TNPO3: variants seen among roughly 807,000 people sequenced by gnomAD.
TNPO3 encodes transportin 3, also known as transportin-3.
In TNPO3, 65 loss-of-function variants were observed where a neutral mutation model predicts 122.8. The observed-to-expected ratio is 0.53, with a 90% confidence interval of 0.43 to 0.65. TNPO3 has a LOEUF of 0.65. Ranked by LOEUF, TNPO3 falls within the 30% of genes least tolerant of loss-of-function variation. The pLI is 0.00. For missense variants in TNPO3, 850 were observed against 1,136.7 expected (o/e 0.75, Z 3.63); for synonymous variants, 372 against 411.2 (o/e 0.90, Z 1.15).
Position 129,015,231 on chromosome 7 carries a change from C to T in TNPO3, c.396-96G>A, listed in dbSNP as rs762679994. 8.0e-6 allele frequency: 10 copies of T among 1,247,534 alleles called. No individual in the cohort carries two copies. The Admixed American group carries it at 1.2e-4, about 15-fold the overall frequency. The allele number at this position is 1,247,534 out of a possible 1,614,324, so 77.3% of individuals were successfully genotyped here. On this transcript the variant is annotated intron_variant, in intron 3 of 22. Coordinates refer to ENST00000265388, the MANE Select transcript of TNPO3 (RefSeq NM_012470.4). ...TCAGAGTAACTCACAACAACAAAAG[C>T]AACATTCCCACCACTGTTAAGGGGG...
intron 1 of TNPO3, chr7:129,041,481 G>T: frequency 2.2e-6 from 2 of 912,974 alleles, no homozygotes; most frequent in Non-Finnish European, 2.6e-6. Context: ...CTGCTAAACA[G>T]CAGAAAAAAG....
In TNPO3 at chr7:129,012,937, A is replaced by G. The variant is rs188422417; in HGVS notation, c.552+2042T>C. On this transcript the variant is annotated intron_variant, in intron 4 of 22. Coordinates refer to ENST00000265388, the MANE Select transcript of TNPO3 (RefSeq NM_012470.4). ...AAGAGGCAGCCAACCCATAAACTAT[A>G]GATTTACACACTCCTGCTCTAGAGT... Among the ~76,000 whole-genome samples, 285 of 152,346 alleles carry G rather than the reference A, an allele frequency of 1.9e-3. 1 individual carries two copies. The highest frequency in any genetic ancestry group is 0.012 in the South Asian group (60 of 4,832).
rs1798600404 is a variant in TNPO3, at chr7:128,972,585, G to A, written c.2274-3C>T. 1.2e-6 allele frequency: 2 copies of A among 1,611,718 alleles called. No homozygotes were observed. Among genetic ancestry groups the A allele is most frequent in the South Asian group, 2.2e-5 (2 of 90,620 alleles). On this transcript the variant is annotated splice_polypyrimidine_tract_variant and splice_region_variant and intron_variant, in intron 18 of 22. Coordinates refer to ENST00000265388, the MANE Select transcript of TNPO3 (RefSeq NM_012470.4). ...TGACAGGGCTACGCTGAATAAACCT[G>A]GTGTGGAAAGTGAGACTAGGTATAA...
intron 4 of TNPO3, among the ~76,000 whole-genome samples, chr7:129,010,135 G>A (rs556855955): frequency 7.2e-5 from 11 of 152,248 alleles, no homozygotes; most frequent in Admixed American, 7.2e-4. Flanking sequence ...AGAAATAACA[G>A]AAATAGTCAA....
chr7:128,985,587 C>G (rs1800059127), intron 12 of TNPO3, among the ~76,000 whole-genome samples: 1 of 152,166 alleles, frequency 6.6e-6, no homozygotes, highest in Admixed American at 6.5e-5. Context: ...AAGCGAGACC[C>G]TGTCTCTAAA....
At chr7:128,998,023 T>A (rs888766328) in intron 7 of TNPO3, among the ~76,000 whole-genome samples, 2 of 148,016 alleles carry the variant, frequency 1.4e-5, no homozygotes, top group African/African-American at 4.9e-5. Flanking sequence ...TTTTTTTTTT[T>A]TTTTAGTAGA....
intron 1 of TNPO3, among the ~76,000 whole-genome samples, chr7:129,044,186 C>G (rs1807744952): frequency 6.6e-6 from 1 of 152,210 alleles, no homozygotes; most frequent in Admixed American, 6.5e-5. Context: ...CCTTGGCCTC[C>G]CAAAATGCTG....
At chr7:128,969,160 A>G (rs972485965) in intron 20 of TNPO3, among the ~76,000 whole-genome samples, 1 of 152,184 alleles carries the variant, frequency 6.6e-6, no homozygotes, top group Non-Finnish European at 1.5e-5. Flanking sequence ...ATAAAGTTAG[A>G]TTTACATAAG....
rs528457485 is a variant in TNPO3 at position 129,011,742 on chromosome 7, G to GA, written c.552+3236dup. Among the ~76,000 whole-genome samples, 57 of 152,258 alleles carry GA rather than the reference G, an allele frequency of 3.7e-4. 2 individuals are homozygous for GA. In the South Asian group the frequency reaches 0.011, roughly 30 times the overall value. ...AACTTGAAAAGGTAAGCAGATGACT[G>GA]AAAAAGCAAGATGCAGAAGAATAAG... On this transcript the variant is annotated intron_variant, in intron 4 of 22. Transcript: ENST00000265388.
At chr7:128,975,451 C>A (rs1311267834) in intron 17 of TNPO3, among the ~76,000 whole-genome samples, 2 of 152,086 alleles carry the variant, frequency 1.3e-5, no homozygotes, top group African/African-American at 4.8e-5. Flanking sequence ...ATTCTAAAAC[C>A]CTCCCTGCTG....
chr7:128,993,607 T>C (rs964033697), intron 9 of TNPO3, among the ~76,000 whole-genome samples, 200 bp downstream of exon 9: 1 of 152,186 alleles, frequency 6.6e-6, no homozygotes, highest in Non-Finnish European at 1.5e-5. Context: ...AACCGAATCA[T>C]CCATAAACTG....
chr7:128,978,519 C>T (rs1210587417), intron 16 of TNPO3, among the ~76,000 whole-genome samples: 1 of 152,180 alleles, frequency 6.6e-6, no homozygotes, highest in Non-Finnish European at 1.5e-5. Context: ...AGCTACTATA[C>T]AGAAGCGATT....
chr7:128,988,123 C>A (rs776812069), intron 11 of TNPO3, among the ~76,000 whole-genome samples: 2 of 151,818 alleles, frequency 1.3e-5, no homozygotes, highest in Admixed American at 6.6e-5. Context: ...TACAGGCATG[C>A]GCCACCAAGC....
intron 1 of TNPO3, among the ~76,000 whole-genome samples, chr7:129,046,275 G>T (rs1267036540): frequency 6.6e-6 from 1 of 151,892 alleles, no homozygotes; most frequent in Non-Finnish European, 1.5e-5. Flanking sequence ...TAGACTGGTG[G>T]CTACTACACT....
intron 21 of TNPO3, among the ~76,000 whole-genome samples, chr7:128,959,595 T>C (rs890950836): frequency 2.0e-5 from 3 of 152,058 alleles, no homozygotes; most frequent in African/African-American, 7.2e-5. Context: ...TGCGATAGGG[T>C]GAAATGAGGG....
intron 9 of TNPO3, 24 bp downstream of exon 9, chr7:128,993,783 G>C: frequency 6.3e-7 from 1 of 1,588,954 alleles, no homozygotes. Context: ...AGTAAAACTG[G>C]AAACAATCTC....
chr7:128,969,445 A>G (rs1294254845), intron 20 of TNPO3, among the ~76,000 whole-genome samples: 4 of 150,426 alleles, frequency 2.7e-5, no homozygotes, highest in African/African-American at 9.7e-5. Context: ...CTAGGTCCCA[A>G]TGAGTACTTT....
At position 128,954,972 on chromosome 7, in the gene TNPO3, CTTTT is replaced by C; in HGVS notation, c.*441_*444del. The C allele has an allele frequency of 5.9e-6, 1 of 170,906 alleles. No homozygotes were observed. Among genetic ancestry groups the C allele is most frequent in the Admixed American group, 5.8e-5 (1 of 17,368 alleles). 10.6% of individuals were successfully genotyped at this position (170,906 alleles called of 1,614,324 possible). On this transcript the variant is annotated 3_prime_UTR_variant, in exon 23 of 23. Coordinates refer to ENST00000265388, the MANE Select transcript of TNPO3 (RefSeq NM_012470.4). ...TATTTTGTTTCACAGAAAGCTTGTC[CTTTT>C]GTTTTTCTGTGTACACGTGCGCACT...
At chr7:128,978,504 G>A (rs1799305157) in intron 16 of TNPO3, among the ~76,000 whole-genome samples, 1 of 152,164 alleles carries the variant, frequency 6.6e-6, no homozygotes, top group Admixed American at 6.5e-5. Context: ...TTAGAATACT[G>A]CTATAGCTAC....
Sources: allele counts gnomAD v4.1 joint callset (sites outside exome capture counted in the v4.1 genomes callset), GRCh38; gene constraint gnomAD v4.1.1; transcripts MANE v1.5; gene names NCBI Gene and HGNC (gene_info 2026-07-23, HGNC 2026-07-21).